Variants in RYR2 observed in about 807,000 individuals in gnomAD.
The protein encoded by RYR2 is ryanodine receptor 2, also known as cardiac muscle ryanodine receptor-calcium release channel.
A neutral mutation model predicts 601.1 loss-of-function variants in RYR2; 227 were observed. That is an observed-to-expected ratio of 0.38 (90% CI 0.34 to 0.42). The LOEUF is 0.42. Among genes scored for constraint, RYR2 ranks in the 10% least tolerant of loss-of-function variants. RYR2 has a pLI of 1.00. For synonymous variants in RYR2, 2,223 were observed against 2,175.1 expected (o/e 1.02, Z -0.61); for missense variants, 4,646 against 6,156.5 (o/e 0.75, Z 8.21).
chr1:237,381,364 C>T (rs914885934), intron 8 of RYR2, among the ~76,000 whole-genome samples: 1 of 149,072 alleles, frequency 6.7e-6, no homozygotes, highest in Non-Finnish European at 1.5e-5. Flanking sequence ...GTGATATTAA[C>T]TAAAGATCTA....
At chr1:237,648,010 G>T (rs2148787072) in intron 48 of RYR2, among the ~76,000 whole-genome samples, 1 of 152,302 alleles carries the variant, frequency 6.6e-6, no homozygotes, top group South Asian at 2.1e-4. Context: ...ATTGTTCTAA[G>T]ACGTGAAAAT....
rs116151739 is a variant in RYR2 at position 237,234,812 on chromosome 1, A to G, written c.49-35685A>G. ...ATTTTGGGGTTACTATTTTCCAAGGATTTCAGTAAATGTAGGGGATTCAAA... is the reference window on the plus strand; with the variant it reads ...ATTTTGGGGTTACTATTTTCCAAGGGTTTCAGTAAATGTAGGGGATTCAAA... On this transcript the variant is annotated intron_variant, in intron 1 of 104. Coordinates refer to ENST00000366574, the MANE Select transcript of RYR2 (RefSeq NM_001035.3). Among the ~76,000 whole-genome samples, 593 of 151,944 alleles carry G rather than the reference A, an allele frequency of 3.9e-3. 4 individuals carry two copies. The highest frequency in any genetic ancestry group is 0.014 in the African/African-American group (568 of 41,440).
chr1:237,775,262 C>T (rs1694575308), intron 87 of RYR2, among the ~76,000 whole-genome samples: 1 of 152,160 alleles, frequency 6.6e-6, no homozygotes, highest in Admixed American at 6.5e-5. Flanking sequence ...CCAATGCTGA[C>T]ATTTTATATA....
chr1:237,380,397 TATATATATATATATATATATATATA>T (rs1403170889), intron 8 of RYR2, among the ~76,000 whole-genome samples: 413 of 34,298 alleles, frequency 0.012, 19 homozygotes, highest in African/African-American at 0.031. Flanking sequence ...TATATATATA[TATATATATATATATATATATATATA>T]GTAAATACGA....
At chr1:237,237,931 TCCCCTTTCCTTTCC>T (rs1685732349) in intron 1 of RYR2, among the ~76,000 whole-genome samples, 1 of 90,328 alleles carries the variant, frequency 1.1e-5, no homozygotes, top group Non-Finnish European at 2.6e-5. Flanking sequence ...CCTTTCCCTT[TCCCCTTTCCTTTCC>T]CCTTTCCTTT....
chr1:237,273,380 G>A lies in RYR2; in HGVS notation c.168+2764G>A, dbSNP rs545898542. 1.7e-3 allele frequency among the ~76,000 whole-genome samples: 262 copies of A among 152,288 alleles called. 1 individual carries two copies. The highest frequency in any genetic ancestry group is 5.9e-3 in the African/African-American group (246 of 41,558). On this transcript the variant is annotated intron_variant, in intron 2 of 104. Transcript: ENST00000366574. Reference sequence around the variant, plus strand: ...TGAAGCTTGCCTGCTGCTCACTTCCGGCTCTGTGGCCTGGTTCCTAAGGGG... The same window carrying A: ...TGAAGCTTGCCTGCTGCTCACTTCCAGCTCTGTGGCCTGGTTCCTAAGGGG...
chr1:237,340,676 A>G (rs1697694100), intron 3 of RYR2, among the ~76,000 whole-genome samples: 1 of 152,232 alleles, frequency 6.6e-6, no homozygotes, highest in Non-Finnish European at 1.5e-5. Flanking sequence ...TTGGTAAAGC[A>G]TAAATAGTAC....
intron 1 of RYR2, among the ~76,000 whole-genome samples, chr1:237,105,611 C>T (rs2148545180): frequency 6.6e-6 from 1 of 152,138 alleles, no homozygotes; most frequent in Non-Finnish European, 1.5e-5. Flanking sequence ...ACGGACAGAT[C>T]ACTTGAGGTC....
chr1:237,661,684 G>A (rs1203317989), intron 56 of RYR2, among the ~76,000 whole-genome samples: 2 of 152,092 alleles, frequency 1.3e-5, no homozygotes, highest in Non-Finnish European at 2.9e-5. Flanking sequence ...TCCAGATTTA[G>A]AAGGCACAAG....
At chr1:237,215,728 T>C (rs188762750) in intron 1 of RYR2, among the ~76,000 whole-genome samples, 12 of 152,288 alleles carry the variant, frequency 7.9e-5, no homozygotes, top group Non-Finnish European at 2.9e-5. Flanking sequence ...GTAGGTACTT[T>C]CCATGATAAT....
At chr1:237,706,414 G>A (rs571195474) in intron 67 of RYR2, among the ~76,000 whole-genome samples, 2 of 152,200 alleles carry the variant, frequency 1.3e-5, no homozygotes, top group Non-Finnish European at 2.9e-5. Context: ...CGGTTGGAAA[G>A]ATGAGTTGTA....
At chr1:237,668,979 A>C (rs1684575809) in intron 58 of RYR2, among the ~76,000 whole-genome samples, 1 of 151,744 alleles carries the variant, frequency 6.6e-6, no homozygotes. Flanking sequence ...GCAGATAAAC[A>C]AGTGAACAAA....
At chr1:237,536,646 C>T (rs926558325) in intron 25 of RYR2, among the ~76,000 whole-genome samples, 6 of 136,858 alleles carry the variant, frequency 4.4e-5, no homozygotes, top group Non-Finnish European at 9.1e-5. Flanking sequence ...ATCCGGGAGG[C>T]GGAGGTTGCA....
intron 29 of RYR2, among the ~76,000 whole-genome samples, chr1:237,584,660 T>TTTG (rs1425566624): frequency 1.4e-5 from 2 of 138,624 alleles, no homozygotes; most frequent in Admixed American, 7.4e-5. Context: ...TTTTTTTTTT[T>TTTG]TTTTTTTTTT....
intron 17 of RYR2, among the ~76,000 whole-genome samples, chr1:237,474,350 G>A (rs1572491765): frequency 6.6e-6 from 1 of 151,414 alleles, no homozygotes; most frequent in South Asian, 2.1e-4. Context: ...TGTTGGGCAA[G>A]GGGTTTGAAA....
At chr1:237,465,090 GCACACA>G (rs10610645) in intron 16 of RYR2, among the ~76,000 whole-genome samples, 15 of 150,056 alleles carry the variant, frequency 1.0e-4, no homozygotes, top group African/African-American at 1.5e-4. Flanking sequence ...ACACACACAT[GCACACA>G]CACACACACA....
At chr1:237,822,901 G>A (rs2790352) in intron 101 of RYR2, among the ~76,000 whole-genome samples, 39,899 of 151,952 alleles carry the variant, frequency 0.26, 5,689 homozygotes, top group East Asian at 0.61. Flanking sequence ...GTCTCTGATA[G>A]AACAGACTTT....
chr1:237,309,131 T>G (rs1203127817), intron 2 of RYR2, among the ~76,000 whole-genome samples: 1 of 150,908 alleles, frequency 6.6e-6, no homozygotes, highest in Non-Finnish European at 1.5e-5. Context: ...ATAAAAGTTC[T>G]CCAAGTCCCC....
intron 2 of RYR2, among the ~76,000 whole-genome samples, chr1:237,314,534 T>C (rs915231135): frequency 6.6e-6 from 1 of 152,210 alleles, no homozygotes; most frequent in Admixed American, 6.5e-5. Flanking sequence ...TAATCTGAAT[T>C]TGTATATGCT....
Sources: allele counts gnomAD v4.1 joint callset (sites outside exome capture counted in the v4.1 genomes callset), GRCh38; gene constraint gnomAD v4.1.1; transcripts MANE v1.5; gene names NCBI Gene and HGNC (gene_info 2026-07-23, HGNC 2026-07-21).